Variants in SLC15A5 observed in about 807,000 individuals in gnomAD.
SLC15A5 encodes solute carrier family 15 member 5.
In SLC15A5, 58 loss-of-function variants were observed where a neutral mutation model predicts 56.1. The observed-to-expected ratio is 1.03, with a 90% CI of 0.84 to 1.29. The LOEUF is 1.29. Among genes scored for constraint, SLC15A5 ranks in the 50% most tolerant of loss-of-function variants. The pLI is 0.00. For synonymous variants in SLC15A5, 264 were observed against 250.5 expected (o/e 1.05, Z -0.51); for missense variants, 681 against 672.1 (o/e 1.01, Z -0.15).
chr12:16,229,647 T>TACACACACAC (rs71438372), intron 5 of SLC15A5, among the ~76,000 whole-genome samples: 1,479 of 144,362 alleles, frequency 0.01, 22 homozygotes, highest in African/African-American at 0.029. Flanking sequence ...CACACACACA[T>TACACACACAC]ACACACACAC....
chr12:16,253,107 A>T (rs1311340035), intron 3 of SLC15A5, among the ~76,000 whole-genome samples: 6 of 152,134 alleles, frequency 3.9e-5, no homozygotes, highest in Non-Finnish European at 4.4e-5. Flanking sequence ...ATGAAGTTGG[A>T]TCCTTGCTTT....
intron 7 of SLC15A5, among the ~76,000 whole-genome samples, chr12:16,207,019 G>T (rs1864026102): frequency 6.6e-6 from 1 of 152,284 alleles, no homozygotes; most frequent in Non-Finnish European, 1.5e-5. Flanking sequence ...GAGAGGTAAT[G>T]CTTTGTGATA....
chr12:16,265,615 A>G (rs1426489110), intron 2 of SLC15A5, among the ~76,000 whole-genome samples: 3 of 152,096 alleles, frequency 2.0e-5, no homozygotes, highest in African/African-American at 7.2e-5. Flanking sequence ...AGTAGCTGGC[A>G]CCACAGGTGC....
chr12:16,268,976 A>C (rs1254039694), intron 2 of SLC15A5, among the ~76,000 whole-genome samples: 2 of 151,896 alleles, frequency 1.3e-5, no homozygotes, highest in Non-Finnish European at 2.9e-5. Flanking sequence ...GAATGGGATT[A>C]GTTCCTTTAT....
chr12:16,265,729 C>A (rs4110096), intron 2 of SLC15A5, among the ~76,000 whole-genome samples: 2 of 151,990 alleles, frequency 1.3e-5, no homozygotes. Context: ...GCAATCCACC[C>A]GCTTTGGCCT....
At chr12:16,238,442 A>G (rs1371299190) in intron 5 of SLC15A5, among the ~76,000 whole-genome samples, 2 of 151,970 alleles carry the variant, frequency 1.3e-5, no homozygotes, top group Admixed American at 6.6e-5. Flanking sequence ...CCTGGCTTAC[A>G]CAGTGAAACC....
At chr12:16,258,653 C>G (rs1173679948) in intron 2 of SLC15A5, among the ~76,000 whole-genome samples, 1 of 151,606 alleles carries the variant, frequency 6.6e-6, no homozygotes. Flanking sequence ...TTGTGCAAGC[C>G]TTAGTACACT....
rs1864753429 is a variant in SLC15A5, at chr12:16,271,353, C to A, written c.584+1208G>T. Among the ~76,000 whole-genome samples, 1 of 152,090 alleles carries A rather than the reference C, an allele frequency of 6.6e-6. No homozygotes were observed. Among genetic ancestry groups the A allele is most frequent in the Non-Finnish European group, 1.5e-5 (1 of 68,024 alleles). On this transcript the variant is annotated intron_variant, in intron 2 of 8. Coordinates refer to ENST00000344941, the MANE Select transcript of SLC15A5 (RefSeq NM_001170798.1). This position sits in a 1 kb window ranked among gnomAD's most constrained non-coding sequence, Gnocchi z 8.0. ...TTAATCCTCCAGAGTCTTATTTAATCAAAATGATGTTGCTAATTAAGGATT... is the reference window on the plus strand; with the variant it reads ...TTAATCCTCCAGAGTCTTATTTAATAAAAATGATGTTGCTAATTAAGGATT...
intron 6 of SLC15A5, among the ~76,000 whole-genome samples, chr12:16,220,628 A>AC (rs1864176569): frequency 6.6e-6 from 1 of 152,214 alleles, no homozygotes; most frequent in South Asian, 2.1e-4. Flanking sequence ...CTGCATTCAT[A>AC]CCACAATGAC....
At chr12:16,252,750 T>C (rs1014328671) in intron 3 of SLC15A5, among the ~76,000 whole-genome samples, 8 of 152,104 alleles carry the variant, frequency 5.3e-5, no homozygotes, top group Non-Finnish European at 1.0e-4. Context: ...ATAGATTCAA[T>C]GCAATCCCTG....
At chr12:16,201,775 T>A (rs1863959188) in intron 7 of SLC15A5, among the ~76,000 whole-genome samples, 1 of 152,104 alleles carries the variant, frequency 6.6e-6, no homozygotes, top group African/African-American at 2.4e-5. Flanking sequence ...GAACTGTAAG[T>A]CAATTAAACC....
chr12:16,238,490 C>A (rs919293901), intron 5 of SLC15A5, among the ~76,000 whole-genome samples: 5 of 151,816 alleles, frequency 3.3e-5, no homozygotes, highest in African/African-American at 1.2e-4. Flanking sequence ...ATTAGCCAGG[C>A]GTGGTGGTGG....
At chr12:16,204,770 T>A (rs1483189019) in intron 7 of SLC15A5, among the ~76,000 whole-genome samples, 4 of 152,126 alleles carry the variant, frequency 2.6e-5, no homozygotes, top group African/African-American at 9.7e-5. Flanking sequence ...TTTCACAACC[T>A]ATATTAAATA....
chr12:16,236,172 C>G (rs1294984815), intron 5 of SLC15A5, among the ~76,000 whole-genome samples: 1 of 151,958 alleles, frequency 6.6e-6, no homozygotes, highest in Non-Finnish European at 1.5e-5. Context: ...ACTGAATGCT[C>G]CATACTGCAG....
At chr12:16,222,461 G>T (rs562369848) in intron 6 of SLC15A5, among the ~76,000 whole-genome samples, 1 of 144,426 alleles carries the variant, frequency 6.9e-6, no homozygotes, top group East Asian at 1.9e-4. Context: ...TCAATGCTGT[G>T]ATATAAAGAA....
At chr12:16,264,210 C>T (rs370871650) in intron 2 of SLC15A5, among the ~76,000 whole-genome samples, 5 of 152,216 alleles carry the variant, frequency 3.3e-5, no homozygotes, top group African/African-American at 9.6e-5. Flanking sequence ...TGGGAACCCA[C>T]CTCTTGCATT....
Position 16,277,456 on chromosome 12 carries a change from C to T in SLC15A5, c.230G>A (p.Cys77Tyr), listed in dbSNP as rs192667895. The change falls in exon 1 of 9, where the codon TGC (cysteine) becomes TAC (tyrosine). Residue 77 changes from cysteine to tyrosine, a missense_variant. Transcript: ENST00000344941. ...ACACAAGTTTAAGATGGCTGCTTGG[C>T]AATTGTGATAGCCAAGCTTGATAGT... ...FCTIKLGYHN[C>Y]QAAILNLCFI... is the part of the protein sequence containing the mutation. 3,824 of 1,536,444 alleles carry T rather than the reference C, an allele frequency of 2.5e-3. 8 individuals are homozygous for T. Among genetic ancestry groups the T allele is most frequent in the Non-Finnish European group, 2.9e-3 (3,361 of 1,146,432 alleles).
chr12:16,275,901 A>G (rs1864813476), intron 1 of SLC15A5, among the ~76,000 whole-genome samples: 1 of 151,992 alleles, frequency 6.6e-6, no homozygotes, highest in Non-Finnish European at 1.5e-5. Context: ...TTCTTATCAG[A>G]AAACTTTTTC....
chr12:16,277,566 A>C lies in SLC15A5; in HGVS notation c.120T>G (p.Ile40Met). The C allele has an allele frequency of 6.5e-7, 1 of 1,536,594 alleles. No individual in the cohort carries two copies. The highest frequency in any genetic ancestry group is 8.7e-7 in the Non-Finnish European group (1 of 1,146,464). Residue 40 changes from isoleucine (I) to methionine (M), a missense_variant, in exon 1 of 9, where the codon ATT (isoleucine) becomes ATG (methionine). By Grantham distance (10) the Ile-to-Met change is conservative. Coordinates refer to ENST00000344941, the MANE Select transcript of SLC15A5 (RefSeq NM_001170798.1). ...CCAGAAGCAAGCAGATTCCAACCTG[A>C]ATTTTTTTCACAGAGTGTGAGGAAC... ...DLCSSHSVKKIQVGICLLLVE... is the reference protein window; with the variant it reads ...DLCSSHSVKKMQVGICLLLVE...
Sources: allele counts gnomAD v4.1 joint callset (sites outside exome capture counted in the v4.1 genomes callset), GRCh38; gene constraint gnomAD v4.1.1; non-coding constraint Gnocchi (gnomAD v3.1); transcripts MANE v1.5; gene names NCBI Gene and HGNC (gene_info 2026-07-23, HGNC 2026-07-21).